NDST4: variants seen among roughly 807,000 people sequenced by gnomAD.
NDST4 encodes the protein N-deacetylase and N-sulfotransferase 4.
Under a neutral mutation model 100.8 loss-of-function variants are expected in NDST4, and 63 were observed. That is an observed-to-expected ratio of 0.62 (90% CI 0.51 to 0.77). NDST4 has a LOEUF of 0.77. Ranked by LOEUF, NDST4 falls within the 30% of genes least tolerant of loss-of-function variation. The probability of loss-of-function intolerance (pLI) is 0.00; values close to 1 mark genes in which losing one functional copy is unlikely to be tolerated. For synonymous variants in NDST4, 377 were observed against 361.8 expected, an observed-to-expected ratio of 1.04 and a Z score of -0.48; for missense variants, 943 against 1,018.4, an observed-to-expected ratio of 0.93 and a Z score of 1.01.
At chr4:114,968,895 A>G (rs1726442133) in intron 4 of NDST4, among the ~76,000 whole-genome samples, 1 of 152,054 alleles carries the variant, frequency 6.6e-6, no homozygotes, top group Non-Finnish European at 1.5e-5. Context: ...AGTTTCTGAA[A>G]TGCAAATTGT....
At chr4:115,015,121 G>A (rs1457929018) in intron 2 of NDST4, among the ~76,000 whole-genome samples, 2 of 152,108 alleles carry the variant, frequency 1.3e-5, no homozygotes, top group East Asian at 3.9e-4. Flanking sequence ...CAAGATATAT[G>A]AAGAAGTGGC....
At chr4:114,856,673 G>C (rs1471113192) in intron 7 of NDST4, among the ~76,000 whole-genome samples, 2 of 152,082 alleles carry the variant, frequency 1.3e-5, no homozygotes, top group Non-Finnish European at 2.9e-5. Context: ...AGACTAAAGG[G>C]ACCAGTATCA....
Position 115,051,713 on chromosome 4 carries a change from A to G in NDST4, c.978+24346T>C, listed in dbSNP as rs574902430. 3.3e-5 allele frequency among the ~76,000 whole-genome samples: 5 copies of G among 152,244 alleles called. No homozygotes were observed. In the East Asian group the frequency reaches 9.6e-4, roughly 29 times the overall value. On this transcript the variant is annotated intron_variant, in intron 2 of 13. Coordinates refer to ENST00000264363, the MANE Select transcript of NDST4 (RefSeq NM_022569.3). Reference sequence around the variant, plus strand: ...ATATTTTGGCTATTACGAATAATGCAGTGAACATGGGAGTGTAGATATCTT... The same window carrying G: ...ATATTTTGGCTATTACGAATAATGCGGTGAACATGGGAGTGTAGATATCTT...
rs756000507 is a variant in NDST4 at position 114,935,338 on chromosome 4, A to C, written c.1408-4T>G. 2 of 1,568,576 alleles carry C rather than the reference A, an allele frequency of 1.3e-6. No individual in the cohort carries two copies. The highest frequency in any genetic ancestry group is 4.7e-5 in the East Asian group (2 of 42,512). On this transcript the variant is annotated splice_polypyrimidine_tract_variant and splice_region_variant and intron_variant, in intron 5 of 13. Transcript: ENST00000264363. ...CACAAGTCTGTCGAGGGAGGACCTG[A>C]GTAAAAAAGGGGAAAAACAGCACAT... is the stretch of plus-strand genomic sequence containing the variant.
chr4:115,054,556 T>C (rs1447790598), intron 2 of NDST4, among the ~76,000 whole-genome samples: 1 of 152,192 alleles, frequency 6.6e-6, no homozygotes, highest in Non-Finnish European at 1.5e-5. Context: ...TTTTATTTTA[T>C]ATAGATTTTA....
chr4:115,002,015 T>C (rs1234480638), intron 2 of NDST4, among the ~76,000 whole-genome samples: 3 of 152,134 alleles, frequency 2.0e-5, no homozygotes, highest in African/African-American at 4.8e-5. Flanking sequence ...AAATAATAAA[T>C]TAAAAAGTTC....
At chr4:114,875,216 T>G (rs1165933521) in intron 6 of NDST4, among the ~76,000 whole-genome samples, 1 of 152,184 alleles carries the variant, frequency 6.6e-6, no homozygotes, top group Non-Finnish European at 1.5e-5. Flanking sequence ...GCTGCCTTTA[T>G]CTTGTTGTTG....
chr4:114,948,343 T>TTG (rs1725915255), intron 4 of NDST4, among the ~76,000 whole-genome samples: 1 of 150,676 alleles, frequency 6.6e-6, no homozygotes, highest in Admixed American at 6.6e-5. Context: ...CTTCTCTTAC[T>TTG]TAAAATAATG....
At chr4:114,865,071 CT>C (rs11433054) in intron 7 of NDST4, among the ~76,000 whole-genome samples, 46 of 146,222 alleles carry the variant, frequency 3.1e-4, no homozygotes, top group South Asian at 8.7e-4. Context: ...ATTTTTTTTT[CT>C]TTTTTTTTTT....
intron 2 of NDST4, among the ~76,000 whole-genome samples, chr4:115,059,122 A>G (rs1728763329): frequency 6.6e-6 from 1 of 152,018 alleles, no homozygotes; most frequent in Non-Finnish European, 1.5e-5. Flanking sequence ...TAACTCCAAA[A>G]TGTAATAACT....
At chr4:114,854,537 CG>C (rs1223218210) in intron 7 of NDST4, among the ~76,000 whole-genome samples, 1 of 152,058 alleles carries the variant, frequency 6.6e-6, no homozygotes, top group East Asian at 1.9e-4. Context: ...GGCACAATCT[CG>C]GCTCACCGCA....
chr4:114,890,641 C>T lies in NDST4; in HGVS notation c.1537-19691G>A, dbSNP rs115011010. On this transcript the variant is annotated intron_variant, in intron 6 of 13. Coordinates refer to ENST00000264363, the MANE Select transcript of NDST4 (RefSeq NM_022569.3). ...TTTCTGCAAGTGCTTTCCCAGTATG[C>T]CCAAACTCTAACTTTATCCTCTCTC... 4.2e-3 allele frequency among the ~76,000 whole-genome samples: 632 copies of T among 152,150 alleles called. 6 individuals are homozygous for T. The highest frequency in any genetic ancestry group is 0.014 in the African/African-American group (599 of 41,554).
chr4:115,009,271 C>T lies in NDST4; in HGVS notation c.979-31997G>A, dbSNP rs1727489337. ...AACAAAGCTGGAGGCATCACGCTACCTAACTTCATACTATACTACAAGGCT... is the reference window on the plus strand; with the variant it reads ...AACAAAGCTGGAGGCATCACGCTACTTAACTTCATACTATACTACAAGGCT... On this transcript the variant is annotated intron_variant, in intron 2 of 13. Coordinates refer to ENST00000264363, the MANE Select transcript of NDST4 (RefSeq NM_022569.3). 2.3e-5 allele frequency among the ~76,000 whole-genome samples: 3 copies of T among 129,282 alleles called. 1 individual carries two copies. Among genetic ancestry groups the T allele is most frequent in the Non-Finnish European group, 5.0e-5 (3 of 60,374 alleles). The allele number at this position is 129,282 out of a possible 152,430, so 84.8% of individuals were successfully genotyped here. A position where few individuals can be genotyped will look rare whatever the true frequency, so the allele number is the denominator to read the frequency against.
At chr4:115,037,789 A>G (rs1455287145) in intron 2 of NDST4, among the ~76,000 whole-genome samples, 1 of 152,190 alleles carries the variant, frequency 6.6e-6, no homozygotes, top group East Asian at 1.9e-4. Flanking sequence ...GTATTGATTC[A>G]GGTATTCAAC....
At chr4:115,030,828 C>T (rs1054844003) in intron 2 of NDST4, among the ~76,000 whole-genome samples, 1 of 151,952 alleles carries the variant, frequency 6.6e-6, no homozygotes, top group South Asian at 2.1e-4. Context: ...CATGTTCTAT[C>T]GAGAATAGTG....
chr4:114,857,186 A>G (rs1269968464), intron 7 of NDST4, among the ~76,000 whole-genome samples: 1 of 152,214 alleles, frequency 6.6e-6, no homozygotes, highest in African/African-American at 2.4e-5. Context: ...AAGGTTCTGT[A>G]GCAAAGCATA....
intron 4 of NDST4, among the ~76,000 whole-genome samples, chr4:114,951,676 T>G (rs1043306859): frequency 6.6e-5 from 10 of 152,082 alleles, no homozygotes; most frequent in Non-Finnish European, 1.5e-4. Flanking sequence ...AGCACAGGAA[T>G]TTTAAGTAAT....
At chr4:115,101,852 CAG>C (rs985751165) in intron 1 of NDST4, among the ~76,000 whole-genome samples, 3 of 152,198 alleles carry the variant, frequency 2.0e-5, no homozygotes, top group South Asian at 2.1e-4. Flanking sequence ...TATGAGATTT[CAG>C]AGAGAGTGGA....
chr4:115,107,709 A>G (rs1729858852), intron 1 of NDST4, among the ~76,000 whole-genome samples: 1 of 152,094 alleles, frequency 6.6e-6, no homozygotes, highest in South Asian at 2.1e-4. Context: ...AAGCCTCCTG[A>G]GAGCTATTTT....
Sources: gnomAD v4.1 joint callset for allele counts (sites outside exome capture counted in the v4.1 genomes callset) on GRCh38, gnomAD v4.1.1 for gene constraint, MANE v1.5 for transcripts, NCBI Gene and HGNC (gene_info 2026-07-23, HGNC 2026-07-21) for gene names.